The following TFAP2D variants were observed in gnomAD, a reference collection of about 807,000 sequenced individuals.
TFAP2D encodes transcription factor AP-2-delta.
TFAP2D carries 9 observed loss-of-function variants against 43.6 expected under a neutral mutation model. The observed-to-expected ratio is 0.21, with a 90% CI of 0.12 to 0.36. The LOEUF is 0.36. Among genes scored for constraint, TFAP2D ranks in the 10% least tolerant of loss-of-function variants. The pLI is 1.00. For synonymous variants in TFAP2D, 256 were observed against 224.9 expected, an observed-to-expected ratio of 1.14 and a Z score of -1.24; for missense variants, 513 against 561.4, an observed-to-expected ratio of 0.91 and a Z score of 0.87.
chr6:50,720,940 C>T (rs1002911313), intron 3 of TFAP2D, among the ~76,000 whole-genome samples: 2 of 152,128 alleles, frequency 1.3e-5, no homozygotes, highest in Non-Finnish European at 2.9e-5. Context: ...GCGTAAGATA[C>T]CTGACAGAGG....
intron 7 of TFAP2D, among the ~76,000 whole-genome samples, chr6:50,757,132 C>T (rs965038580): frequency 8.6e-5 from 13 of 150,930 alleles, no homozygotes; most frequent in East Asian, 1.9e-4. Context: ...TTGTTGTTTG[C>T]GTTATTTCTA....
chr6:50,737,125 C>A (rs1304008187), intron 5 of TFAP2D, among the ~76,000 whole-genome samples: 2 of 152,058 alleles, frequency 1.3e-5, no homozygotes, highest in Non-Finnish European at 2.9e-5. Flanking sequence ...AGACCACAGA[C>A]ACATGCCACC....
intron 7 of TFAP2D, among the ~76,000 whole-genome samples, chr6:50,759,358 T>C (rs192261468): frequency 1.0e-3 from 159 of 152,148 alleles, no homozygotes; most frequent in African/African-American, 3.7e-3. Flanking sequence ...GACCTCTGCA[T>C]GTTCATGAGT....
intron 6 of TFAP2D, among the ~76,000 whole-genome samples, chr6:50,750,359 A>G (rs1396336663): frequency 6.6e-6 from 1 of 151,948 alleles, no homozygotes; most frequent in Non-Finnish European, 1.5e-5. Context: ...GAGTCACCTC[A>G]CTTTAGATGA....
At chr6:50,731,679 T>A (rs146374239) in intron 5 of TFAP2D, among the ~76,000 whole-genome samples, 31 of 152,208 alleles carry the variant, frequency 2.0e-4, no homozygotes, top group African/African-American at 7.2e-4. Flanking sequence ...ACATTATATC[T>A]ACATTGAAAT....
intron 3 of TFAP2D, among the ~76,000 whole-genome samples, chr6:50,723,561 C>T (rs1768763079): frequency 2.6e-5 from 4 of 152,194 alleles, no homozygotes; most frequent in Admixed American, 2.0e-4. Flanking sequence ...GCCAGAGATA[C>T]ACCTCAAGCC....
intron 7 of TFAP2D, among the ~76,000 whole-genome samples, chr6:50,758,639 A>G (rs946921359): frequency 2.0e-5 from 3 of 152,018 alleles, no homozygotes; most frequent in Non-Finnish European, 4.4e-5. Context: ...CTCTACTTAA[A>G]TGTGAGCATG....
At position 50,722,237 on chromosome 6, in the gene TFAP2D, G is replaced by T. The variant is rs185258716; in HGVS notation, c.598+3087G>T. On this transcript the variant is annotated intron_variant, in intron 3 of 7. Transcript: ENST00000008391. ...TGTACGCGATTTTGCCCGCAGCTCC[G>T]GCTCTCCAACCATCAGAACCAATAA... 3.6e-3 allele frequency among the ~76,000 whole-genome samples: 542 copies of T among 152,258 alleles called. 8 individuals carry two copies. Among genetic ancestry groups the T allele is most frequent in the Non-Finnish European group, 2.4e-4 (16 of 68,022 alleles).
chr6:50,744,828 G>A (rs1317309030), intron 5 of TFAP2D, among the ~76,000 whole-genome samples: 3 of 152,110 alleles, frequency 2.0e-5, no homozygotes, highest in Non-Finnish European at 4.4e-5. Context: ...CCAGAGCCAT[G>A]AGGGGAATCA....
intron 6 of TFAP2D, among the ~76,000 whole-genome samples, chr6:50,747,029 G>A (rs1183978639): frequency 6.6e-6 from 1 of 152,110 alleles, no homozygotes; most frequent in African/African-American, 2.4e-5. Flanking sequence ...AGGTATAAAA[G>A]TTGGACTTAA....
Position 50,770,273 on chromosome 6 carries a change from T to C in TFAP2D, c.1140-2372T>C, listed in dbSNP as rs143508856. On this transcript the variant is annotated intron_variant, in intron 7 of 7. Transcript: ENST00000008391. ...GTAGAAATAGAGCTTAAATTATTTT[T>C]CCTGTTTGGCAATGCAAGACCTTGT... Among the ~76,000 whole-genome samples the C allele has an allele frequency of 2.1e-3, 325 of 152,336 alleles. 1 individual carries two copies. The highest frequency in any genetic ancestry group is 7.0e-3 in the African/African-American group (289 of 41,568).
In TFAP2D at chr6:50,715,194, T is replaced by C; in HGVS notation, c.118T>C (p.Tyr40His). ...GTCAGTAGCCAATTCCACTGTCGCC[T>C]ATTCCTCCTCCTCTCCTTTAACTTA... ...LESVANSTVAYSSSSPLTYST... is the reference protein window; with the variant it reads ...LESVANSTVAHSSSSPLTYST... Residue 40 changes from tyrosine to histidine, a missense_variant, in exon 2 of 8, where the codon TAT becomes CAT. Tyr to His is a moderately conservative substitution (Grantham distance 83). Coordinates refer to ENST00000008391, the MANE Select transcript of TFAP2D (RefSeq NM_172238.4). 1.2e-6 allele frequency: 2 copies of C among 1,613,806 alleles called. No homozygotes were observed. Among genetic ancestry groups the C allele is most frequent in the Non-Finnish European group, 1.7e-6 (2 of 1,179,984 alleles).
At chr6:50,720,719 T>G (rs1406146311) in intron 3 of TFAP2D, among the ~76,000 whole-genome samples, 1 of 152,018 alleles carries the variant, frequency 6.6e-6, no homozygotes, top group African/African-American at 2.4e-5. Context: ...AGGTGAGATG[T>G]GCTGATCAGG....
rs1431079775 is a variant in TFAP2D at position 50,729,274 on chromosome 6, A to G, written c.845A>G (p.Lys282Arg). Reference protein sequence around the residue: ...LGLNLPAGRRKAANVTLLTSL... With the variant: ...LGLNLPAGRRRAANVTLLTSL... ...TTAAACTTACCAGCAGGAAGACGGA[A>G]AGCAGCTAATGTCACCCTCCTTACT... The change falls in exon 5 of 8, where the codon AAA becomes AGA. Residue 282 changes from lysine to arginine, a missense_variant. Coordinates refer to ENST00000008391, the MANE Select transcript of TFAP2D (RefSeq NM_172238.4). 1 of 1,613,890 alleles carries G rather than the reference A, an allele frequency of 6.2e-7. No individual in the cohort carries two copies. Among genetic ancestry groups the G allele is most frequent in the Non-Finnish European group, 8.5e-7 (1 of 1,179,880 alleles).
chr6:50,717,515 C>G (rs1768646383), intron 2 of TFAP2D, among the ~76,000 whole-genome samples: 1 of 152,198 alleles, frequency 6.6e-6, no homozygotes, highest in African/African-American at 2.4e-5. Flanking sequence ...TTTCTTCAGC[C>G]TATCTCTTTT....
At chr6:50,744,974 T>G (rs905467390) in intron 5 of TFAP2D, 133 bp from the exon 6 acceptor site, 2 of 1,160,452 alleles carry the variant, frequency 1.7e-6, no homozygotes, top group Middle Eastern at 2.6e-4. Context: ...AAGGTCTTTT[T>G]TCTTGAATAG....
chr6:50,745,219 A>T lies in TFAP2D; in HGVS notation c.996A>T (p.Thr332=). Residue 332 remains threonine, a synonymous_variant, in exon 6 of 8, where the codon ACA becomes ACT. Transcript: ENST00000008391. The stretch of plus-strand genomic sequence containing the variant: ...AACATATGGAACAGAAAGAACAGAC[A>T]GCAAGAAAAAAGATGATCCTGGCGA... ...ARQHMEQKEQ[T]ARKKMILATK... is the part of the protein sequence containing the mutation. 1.2e-6 allele frequency: 2 copies of T among 1,613,728 alleles called. No homozygotes were observed. Among genetic ancestry groups the T allele is most frequent in the Non-Finnish European group, 1.7e-6 (2 of 1,179,762 alleles).
chr6:50,736,097 C>T (rs2114043246), intron 5 of TFAP2D, among the ~76,000 whole-genome samples: 1 of 152,282 alleles, frequency 6.6e-6, no homozygotes, highest in Middle Eastern at 3.4e-3. Context: ...TCATGGACCT[C>T]ATTTCCCAAA....
rs771039847 is a variant in TFAP2D at position 50,715,141 on chromosome 6, A to G, written c.65A>G (p.Tyr22Cys). 6.2e-7 allele frequency: 1 copy of G among 1,613,432 alleles called. No homozygotes were observed. The highest frequency in any genetic ancestry group is 1.7e-5 in the Admixed American group (1 of 59,996). Residue 22 changes from tyrosine to cysteine, a missense_variant, in exon 2 of 8, where the codon TAC becomes TGC. By Grantham distance (194) the Tyr-to-Cys change is radical. Around this residue, in one of 3 missense-constraint regions of TFAP2D, gnomAD observed 311 missense variants for 316.2 expected, o/e 0.98. Transcript: ENST00000008391. The stretch of plus-strand genomic sequence containing the variant: ...ATACGTCACGACGGATCAAACAGCT[A>G]CCGTTTGATGCAGCTTGGCTGTCTG... ...AEIRHDGSNS[Y>C]RLMQLGCLES...
Sources: allele counts gnomAD v4.1 joint callset (sites outside exome capture counted in the v4.1 genomes callset), GRCh38; gene constraint gnomAD v4.1.1; regional missense constraint gnomAD v4.1.1; transcripts MANE v1.5; gene names NCBI Gene and HGNC (gene_info 2026-07-23, HGNC 2026-07-21).